LMNB1: variants seen among roughly 807,000 people sequenced by gnomAD.
LMNB1 encodes lamin-B1.
LMNB1 carries 23 observed loss-of-function variants against 67.1 expected under a neutral mutation model. That is an observed-to-expected ratio of 0.34 (90% CI 0.25 to 0.49). The LOEUF is 0.49. Ranked by LOEUF, LMNB1 falls within the 20% of genes least tolerant of loss-of-function variation. The probability of loss-of-function intolerance (pLI) is 0.99; values close to 1 mark genes in which losing one functional copy is unlikely to be tolerated. For missense variants in LMNB1, 634 were observed against 746.5 expected (o/e 0.85, Z 1.76); for synonymous variants, 281 against 282.9 (o/e 0.99, Z 0.07).
At chr5:126,789,914 C>T (rs1180981501) in intron 1 of LMNB1, among the ~76,000 whole-genome samples, 3 of 152,014 alleles carry the variant, frequency 2.0e-5, no homozygotes, top group Admixed American at 2.0e-4. Flanking sequence ...ACCTCATGAT[C>T]CACCTGCCTC....
chr5:126,836,913 GGGAA>G lies in LMNB1; in HGVS notation c.*652_*655del. ...AGGGTGGGGGAGGGAGGTGGAGGGAGGGAAGGGTTTCTCTATTAAAATGCATTCG... is the reference window on the plus strand; with the variant it reads ...AGGGTGGGGGAGGGAGGTGGAGGGAGGGGTTTCTCTATTAAAATGCATTCG... On this transcript the variant is annotated 3_prime_UTR_variant, in exon 11 of 11. Transcript: ENST00000261366. 2.6e-6 allele frequency: 1 copy of G among 390,720 alleles called. No individual in the cohort carries two copies. The highest frequency in any genetic ancestry group is 2.1e-5 in the African/African-American group (1 of 48,302). The allele number at this position is 390,720 out of a possible 1,614,324, so 24.2% of individuals were successfully genotyped here. A position where few individuals can be genotyped will look rare whatever the true frequency, so the allele number is the denominator to read the frequency against.
chr5:126,782,349 G>T (rs1750652651), intron 1 of LMNB1, among the ~76,000 whole-genome samples: 1 of 152,178 alleles, frequency 6.6e-6, no homozygotes, highest in South Asian at 2.1e-4. Context: ...CCCCAGTGGG[G>T]TTTATAGATA....
chr5:126,782,678 T>C (rs2112919715), intron 1 of LMNB1, among the ~76,000 whole-genome samples: 1 of 152,066 alleles, frequency 6.6e-6, no homozygotes, highest in Admixed American at 6.5e-5. Context: ...GCCTCCCAAG[T>C]AGCTGGGATT....
chr5:126,799,506 G>C (rs1260435067), intron 1 of LMNB1, among the ~76,000 whole-genome samples: 2 of 152,252 alleles, frequency 1.3e-5, no homozygotes, highest in African/African-American at 2.4e-5. Context: ...GCATCTGCAA[G>C]ATAAGTCTTT....
intron 1 of LMNB1, among the ~76,000 whole-genome samples, chr5:126,789,540 C>T (rs1388200411): frequency 6.6e-6 from 1 of 152,180 alleles, no homozygotes; most frequent in African/African-American, 2.4e-5. Flanking sequence ...CCTACATGGG[C>T]TGGTCCCAGT....
chr5:126,785,171 A>G (rs1375924247), intron 1 of LMNB1, among the ~76,000 whole-genome samples: 2 of 139,572 alleles, frequency 1.4e-5, no homozygotes, highest in Admixed American at 7.4e-5. Context: ...AATTTCTAGT[A>G]GAAACGGGGT....
intron 1 of LMNB1, among the ~76,000 whole-genome samples, chr5:126,798,730 A>C (rs1751177575): frequency 1.3e-5 from 2 of 151,642 alleles, no homozygotes; most frequent in Admixed American, 1.3e-4. Context: ...TGGAAAACAC[A>C]TGATACATTT....
chr5:126,805,549 C>T (rs758052418), intron 2 of LMNB1, 22 bp from the exon 3 acceptor site: 2 of 1,549,290 alleles, frequency 1.3e-6, no homozygotes, highest in Non-Finnish European at 8.8e-7. Flanking sequence ...ATTTTTATCA[C>T]AATTCTTTTT....
At chr5:126,826,722 C>T (rs950146736) in intron 9 of LMNB1, among the ~76,000 whole-genome samples, 5 of 152,146 alleles carry the variant, frequency 3.3e-5, no homozygotes, top group Non-Finnish European at 7.3e-5. Flanking sequence ...CCTAATAAAG[C>T]GGCTAAAGTG....
chr5:126,821,842 CAT>C (rs147200875), intron 7 of LMNB1, among the ~76,000 whole-genome samples: 11,811 of 152,164 alleles, frequency 0.078, 541 homozygotes, highest in Non-Finnish European at 0.1. Context: ...CATCTTGAAA[CAT>C]ATGTTCAGGG....
At chr5:126,779,864 C>T (rs948319143) in intron 1 of LMNB1, among the ~76,000 whole-genome samples, 1 of 152,178 alleles carries the variant, frequency 6.6e-6, no homozygotes, top group Non-Finnish European at 1.5e-5. Context: ...AACCCCGTCT[C>T]TACTAAAAAT....
intron 5 of LMNB1, among the ~76,000 whole-genome samples, chr5:126,816,055 C>T (rs982700728): frequency 1.3e-5 from 2 of 151,932 alleles, no homozygotes; most frequent in African/African-American, 4.8e-5. Flanking sequence ...TATCTTCTAC[C>T]TCTGATATAT....
intron 10 of LMNB1, among the ~76,000 whole-genome samples, chr5:126,834,105 AG>A (rs1408992150): frequency 6.6e-6 from 1 of 152,182 alleles, no homozygotes. Context: ...AATATCTTTT[AG>A]GTCTCTTTCT....
intron 1 of LMNB1, 130 bp downstream of exon 1, chr5:126,777,997 G>C: frequency 1.2e-6 from 1 of 805,932 alleles, no homozygotes. Context: ...GAAGGAACAG[G>C]GTCTCGGTCT....
intron 1 of LMNB1, among the ~76,000 whole-genome samples, chr5:126,801,362 G>A (rs1203984174): frequency 6.6e-6 from 1 of 152,098 alleles, no homozygotes; most frequent in Non-Finnish European, 1.5e-5. Flanking sequence ...TGAAATTAAA[G>A]CTCCTATAAA....
In LMNB1 at chr5:126,836,326, G is replaced by A; in HGVS notation, c.*62G>A. On this transcript the variant is annotated 3_prime_UTR_variant, in exon 11 of 11. Coordinates refer to ENST00000261366, the MANE Select transcript of LMNB1 (RefSeq NM_005573.4). Reference sequence around the variant, plus strand: ...GTAATCTTTACCTGTATACAGTGCAGAGCCTTCTCAGAAGCACAGAATATT... The same window carrying A: ...GTAATCTTTACCTGTATACAGTGCAAAGCCTTCTCAGAAGCACAGAATATT... 1 of 1,049,036 alleles carries A rather than the reference G, an allele frequency of 9.5e-7. No individual in the cohort carries two copies. The highest frequency in any genetic ancestry group is 2.2e-5 in the Admixed American group (1 of 45,208). The allele number at this position is 1,049,036 out of a possible 1,614,324, so 65.0% of individuals were successfully genotyped here. A position where few individuals can be genotyped will look rare whatever the true frequency, so the allele number is the denominator to read the frequency against.
chr5:126,829,663 G>A (rs1384600282), intron 9 of LMNB1, among the ~76,000 whole-genome samples: 1 of 151,876 alleles, frequency 6.6e-6, no homozygotes, highest in Non-Finnish European at 1.5e-5. Context: ...GAATTATGGA[G>A]GGAAGCTAAA....
intron 7 of LMNB1, among the ~76,000 whole-genome samples, chr5:126,821,658 A>G (rs932841847): frequency 3.3e-5 from 5 of 152,244 alleles, no homozygotes; most frequent in African/African-American, 1.2e-4. Context: ...AAAAGTAAAC[A>G]TGAAGTATTC....
At chr5:126,781,481 T>G (rs985009631) in intron 1 of LMNB1, among the ~76,000 whole-genome samples, 12 of 151,964 alleles carry the variant, frequency 7.9e-5, no homozygotes, top group African/African-American at 2.9e-4. Flanking sequence ...GTTAATGTCT[T>G]TCTTTTTTTT....
Sources: gnomAD v4.1 joint callset for allele counts (sites outside exome capture counted in the v4.1 genomes callset) on GRCh38, gnomAD v4.1.1 for gene constraint, MANE v1.5 for transcripts, NCBI Gene and HGNC (gene_info 2026-07-23, HGNC 2026-07-21) for gene names.